The following ITK variants were observed in gnomAD, a reference collection of about 807,000 sequenced individuals.
ITK encodes tyrosine-protein kinase ITK/TSK.
Under a neutral mutation model 87.6 loss-of-function variants are expected in ITK, and 45 were observed. That is an observed-to-expected ratio of 0.51 (90% CI 0.40 to 0.66). ITK has a LOEUF of 0.66. Ranked by LOEUF, ITK falls within the 30% of genes least tolerant of loss-of-function variation. The probability of loss-of-function intolerance (pLI) is 0.00; values close to 1 mark genes in which losing one functional copy is unlikely to be tolerated. For synonymous variants in ITK, 303 were observed against 273.6 expected (o/e 1.11, Z -1.06); for missense variants, 605 against 766.3 (o/e 0.79, Z 2.48).
chr5:157,203,220 A>G (rs34206649), intron 1 of ITK, among the ~76,000 whole-genome samples: 2,512 of 152,304 alleles, frequency 0.016, 29 homozygotes, highest in Non-Finnish European at 0.027. Flanking sequence ...GTGAGAGTCT[A>G]TCATGTTCAT....
At chr5:157,233,964 T>TATATATATATATC (rs1491125187) in intron 8 of ITK, among the ~76,000 whole-genome samples, 2 of 16,910 alleles carry the variant, frequency 1.2e-4, no homozygotes, top group Admixed American at 1.3e-3. Flanking sequence ...TATATATATA[T>TATATATATATATC]TTTTTTTTTT....
chr5:157,245,537 C>T (rs1266913378), intron 13 of ITK, 189 bp from the exon 14 acceptor site: 1 of 658,232 alleles, frequency 1.5e-6, no homozygotes, highest in Admixed American at 2.2e-5. Context: ...GTGGATCTTA[C>T]ACATTCAACT....
chr5:157,214,367 A>G (rs202163716), intron 4 of ITK, 48 bp downstream of exon 4: 4 of 1,541,722 alleles, frequency 2.6e-6, no homozygotes, highest in Non-Finnish European at 3.6e-6. Context: ...GACCATAAAA[A>G]AGTAAAAGCT....
At chr5:157,251,209 T>C (rs1408487921) in intron 16 of ITK, among the ~76,000 whole-genome samples, 1 of 152,234 alleles carries the variant, frequency 6.6e-6, no homozygotes, top group African/African-American at 2.4e-5. Flanking sequence ...AGATGTGTAG[T>C]CATATTACAT....
In ITK at chr5:157,254,227, G is replaced by T. The variant is rs1309283219; in HGVS notation, c.*1549G>T. On this transcript the variant is annotated 3_prime_UTR_variant, in exon 17 of 17. Coordinates refer to ENST00000422843, the MANE Select transcript of ITK (RefSeq NM_005546.4). Reference sequence around the variant, plus strand: ...TGTTGCTCTGGCACAGACCACTGTGGTTGATGGCATGGCCCTCCAACTTGG... The same window carrying T: ...TGTTGCTCTGGCACAGACCACTGTGTTTGATGGCATGGCCCTCCAACTTGG... 8.7e-6 allele frequency: 2 copies of T among 229,818 alleles called. No homozygotes were observed. Among genetic ancestry groups the T allele is most frequent in the African/African-American group, 4.4e-5 (2 of 45,148 alleles). The allele number at this position is 229,818 out of a possible 1,614,324, so 14.2% of individuals were successfully genotyped here. A position where few individuals can be genotyped will look rare whatever the true frequency, so the allele number is the denominator to read the frequency against.
chr5:157,218,614 A>T (rs576522205), intron 5 of ITK, among the ~76,000 whole-genome samples: 1 of 151,642 alleles, frequency 6.6e-6, no homozygotes, highest in African/African-American at 2.4e-5. Flanking sequence ...CCACCCCTTT[A>T]TTATCTATTT....
intron 7 of ITK, among the ~76,000 whole-genome samples, chr5:157,231,095 A>G (rs979737803): frequency 1.3e-5 from 2 of 152,234 alleles, no homozygotes; most frequent in Non-Finnish European, 2.9e-5. Flanking sequence ...TTAAAAATGT[A>G]CCACCTGGTA....
chr5:157,192,304 AG>A (rs1753768186), intron 1 of ITK, among the ~76,000 whole-genome samples: 1 of 152,214 alleles, frequency 6.6e-6, no homozygotes, highest in Admixed American at 6.5e-5. Context: ...GTGGTCTGAA[AG>A]GTTCCCATGA....
chr5:157,224,750 C>T (rs547171596), intron 6 of ITK, among the ~76,000 whole-genome samples: 1 of 152,238 alleles, frequency 6.6e-6, no homozygotes, highest in East Asian at 1.9e-4. Flanking sequence ...CACTGCACTC[C>T]AGCCTGGGAG....
intron 1 of ITK, among the ~76,000 whole-genome samples, chr5:157,205,028 T>A (rs534199031): frequency 6.6e-6 from 1 of 152,156 alleles, no homozygotes; most frequent in Non-Finnish European, 1.5e-5. Flanking sequence ...ATGTAATGGG[T>A]CCCTGGATAT....
At chr5:157,183,705 T>G (rs113249679) in intron 1 of ITK, among the ~76,000 whole-genome samples, 8 of 152,294 alleles carry the variant, frequency 5.3e-5, no homozygotes, top group African/African-American at 1.9e-4. Flanking sequence ...GTGGGGTAGA[T>G]ATACATGCAT....
chr5:157,184,803 A>G (rs938176123), intron 1 of ITK, among the ~76,000 whole-genome samples: 2 of 152,202 alleles, frequency 1.3e-5, no homozygotes, highest in African/African-American at 4.8e-5. Flanking sequence ...CCCAAGCACC[A>G]CCTTGGTCTT....
In ITK at chr5:157,252,987, C is replaced by A. The variant is rs1022152998; in HGVS notation, c.*309C>A. On this transcript the variant is annotated 3_prime_UTR_variant, in exon 17 of 17. Coordinates refer to ENST00000422843, the MANE Select transcript of ITK (RefSeq NM_005546.4). ...TGACAGCTTTCAGACAGCATTCTTG[C>A]ACTTCTTAGCAACAGAGAGAGACAT... The A allele has an allele frequency of 6.6e-6, 3 of 457,162 alleles. No homozygotes were observed. Among genetic ancestry groups the A allele is most frequent in the African/African-American group, 3.9e-5 (2 of 51,624 alleles). The allele number at this position is 457,162 out of a possible 1,614,324, so 28.3% of individuals were successfully genotyped here.
Position 157,236,015 on chromosome 5 carries a change from T to C in ITK, c.769-2094T>C, listed in dbSNP as rs1420101115. ...TAGGCACATTACCTCAGTTCTCCCA[T>C]CAACCTTCCAAAGGTCATTTTACAG... On this transcript the variant is annotated intron_variant, in intron 8 of 16. Transcript: ENST00000422843. Among the ~76,000 whole-genome samples, 8 of 152,322 alleles carry C rather than the reference T, an allele frequency of 5.3e-5. No individual in the cohort carries two copies. In the East Asian group the frequency reaches 1.5e-3, roughly 29 times the overall value.
chr5:157,252,735 C>T lies in ITK; in HGVS notation c.*57C>T, dbSNP rs78138220. ...ATCCTGAATGGAGGAAGGATATGTC[C>T]TCATTCCATAGAGCATTAGAAGCTG... On this transcript the variant is annotated 3_prime_UTR_variant, in exon 17 of 17. Coordinates refer to ENST00000422843, the MANE Select transcript of ITK (RefSeq NM_005546.4). 7.6e-7 allele frequency: 1 copy of T among 1,321,846 alleles called. No homozygotes were observed. Among genetic ancestry groups the T allele is most frequent in the Non-Finnish European group, 1.1e-6 (1 of 913,670 alleles). 81.9% of individuals were successfully genotyped at this position (1,321,846 alleles called of 1,614,324 possible). A position where few individuals can be genotyped will look rare whatever the true frequency, so the allele number is the denominator to read the frequency against.
At chr5:157,190,061 G>C (rs1753724207) in intron 1 of ITK, among the ~76,000 whole-genome samples, 1 of 152,160 alleles carries the variant, frequency 6.6e-6, no homozygotes, top group African/African-American at 2.4e-5. Context: ...TGGATCAACA[G>C]TCTTCTCAGT....
chr5:157,250,248 A>G (rs1432197794), intron 16 of ITK, among the ~76,000 whole-genome samples: 1 of 152,194 alleles, frequency 6.6e-6, no homozygotes, highest in Non-Finnish European at 1.5e-5. Context: ...ACCACTGGCA[A>G]CTACTGATCT....
intron 1 of ITK, among the ~76,000 whole-genome samples, chr5:157,204,414 T>G (rs147705990): frequency 8.6e-4 from 131 of 151,856 alleles, no homozygotes; most frequent in African/African-American, 3.1e-3. Flanking sequence ...ACAAAAAAAA[T>G]TGGGGACCAG....
intron 1 of ITK, among the ~76,000 whole-genome samples, chr5:157,201,355 T>C (rs1753970547): frequency 6.8e-6 from 1 of 146,142 alleles, no homozygotes; most frequent in Non-Finnish European, 1.5e-5. Context: ...TGGAGTACAG[T>C]GGCATGATCT....
Sources: allele counts gnomAD v4.1 joint callset (sites outside exome capture counted in the v4.1 genomes callset), GRCh38; gene constraint gnomAD v4.1.1; transcripts MANE v1.5; gene names NCBI Gene and HGNC (gene_info 2026-07-23, HGNC 2026-07-21).